The following CATSPER4 variants were observed in gnomAD, a reference collection of about 807,000 sequenced individuals.
CATSPER4 encodes cation channel sperm-associated protein 4.
A neutral mutation model predicts 54.4 loss-of-function variants in CATSPER4; 46 were observed. The observed-to-expected ratio is 0.84, with a 90% CI of 0.67 to 1.08. The LOEUF is 1.08. CATSPER4 is among the 50% of genes least tolerant of loss of function. CATSPER4 has a pLI of 0.00. For missense variants in CATSPER4, 574 were observed against 612.8 expected (o/e 0.94, Z 0.67); for synonymous variants, 230 against 231.9 (o/e 0.99, Z 0.08).
intron 2 of CATSPER4, 100 bp downstream of exon 2, chr1:26,191,530 A>T: frequency 2.9e-6 from 4 of 1,370,202 alleles, no homozygotes; most frequent in Non-Finnish European, 4.1e-6. Flanking sequence ...TGATGGTTGG[A>T]TTGGATGCTC....
At chr1:26,202,408 G>C in intron 9 of CATSPER4, 81 bp from the exon 10 acceptor site, 1 of 1,273,964 alleles carries the variant, frequency 7.8e-7, no homozygotes, top group Non-Finnish European at 1.1e-6. Context: ...GGGGAAGCTG[G>C]TGAGACTGGA....
Position 26,199,874 on chromosome 1 carries a change from C to T in CATSPER4, c.813-10C>T, listed in dbSNP as rs754916102. ...AGGGAAATGATGGGGCCCCTGCCTG[C>T]CATCTGCAGGACAGAGAAGAGGGAA... On this transcript the variant is annotated splice_polypyrimidine_tract_variant and intron_variant, in intron 6 of 9. Transcript: ENST00000456354. 1 of 1,613,490 alleles carries T rather than the reference C, an allele frequency of 6.2e-7. No homozygotes were observed. Among genetic ancestry groups the T allele is most frequent in the Non-Finnish European group, 8.5e-7 (1 of 1,179,708 alleles).
At chr1:26,196,699 C>T (rs1273928179) in intron 3 of CATSPER4, among the ~76,000 whole-genome samples, 1 of 152,056 alleles carries the variant, frequency 6.6e-6, no homozygotes, top group East Asian at 1.9e-4. Context: ...GCTTGCACCA[C>T]TGCACCTGGC....
At chr1:26,202,442 A>G (rs1279804806) in intron 9 of CATSPER4, 47 bp from the exon 10 acceptor site, 2 of 1,559,398 alleles carry the variant, frequency 1.3e-6, no homozygotes, top group Non-Finnish European at 1.8e-6. Flanking sequence ...GGAGGCTGCC[A>G]TATCGGGGGG....
chr1:26,199,611 A>AT (rs1397506034), intron 6 of CATSPER4, among the ~76,000 whole-genome samples: 9 of 151,298 alleles, frequency 5.9e-5, no homozygotes, highest in Non-Finnish European at 1.3e-4. Context: ...AAAAAAAAAA[A>AT]GGAGTGTAGC....
At chr1:26,201,329 A>G (rs374256521) in intron 8 of CATSPER4, 25 bp from the exon 9 acceptor site, 59 of 1,612,948 alleles carry the variant, frequency 3.7e-5, no homozygotes, top group South Asian at 8.8e-5. Context: ...GGCCTTCTGA[A>G]AGGCACTCAC....
chr1:26,196,161 T>C (rs1418013825), intron 3 of CATSPER4, among the ~76,000 whole-genome samples: 1 of 148,980 alleles, frequency 6.7e-6, no homozygotes, highest in Non-Finnish European at 1.5e-5. Flanking sequence ...TTTTTTTTTT[T>C]CTTTAGAGAT....
At chr1:26,191,187 T>A in intron 1 of CATSPER4, 100 bp from the exon 2 acceptor site, 2 of 1,408,604 alleles carry the variant, frequency 1.4e-6, no homozygotes, top group Non-Finnish European at 2.0e-6. Flanking sequence ...TTCCCCCCTC[T>A]AGAGTGGGCC....
In CATSPER4 at chr1:26,201,067, C is replaced by G. The variant is rs767135834; in HGVS notation, c.1199+26C>G. ...GTAGGGGAGGGTACTGGGGCTGCCC[C>G]CAAGTCATGTGAGTCAAGGCTGGGC... On this transcript the variant is annotated intron_variant, in intron 8 of 9. Transcript: ENST00000456354. 5 of 1,569,146 alleles carry G rather than the reference C, an allele frequency of 3.2e-6. No homozygotes were observed. In the African/African-American group the frequency reaches 4.0e-5, roughly 13 times the overall value.
rs1335598576 is a variant in CATSPER4, at chr1:26,191,399, T to C, written c.326T>C (p.Ile109Thr). ...ALLLVINAITIALRTNSYLDQ... is the reference protein window; with the variant it reads ...ALLLVINAITTALRTNSYLDQ... ...CTGCTGGTGATCAATGCCATCACCA[T>C]CGCTCTCCGTACCAACTCCTACCTG... Residue 109 changes from isoleucine (I) to threonine (T), a missense_variant, in exon 2 of 10, where the codon ATC (isoleucine) becomes ACC (threonine). Coordinates refer to ENST00000456354, the MANE Select transcript of CATSPER4 (RefSeq NM_198137.2). 6.2e-7 allele frequency: 1 copy of C among 1,614,040 alleles called. No individual in the cohort carries two copies. The highest frequency in any genetic ancestry group is 8.5e-7 in the Non-Finnish European group (1 of 1,180,034).
intron 9 of CATSPER4, 116 bp downstream of exon 9, chr1:26,201,635 C>G (rs775425900): frequency 1.2e-5 from 11 of 925,708 alleles, no homozygotes; most frequent in Non-Finnish European, 1.8e-5. Flanking sequence ...ATCTGGTCCC[C>G]CTCACCACCA....
Position 26,199,946 on chromosome 1 carries a change from C to T in CATSPER4, c.875C>T (p.Thr292Ile), listed in dbSNP as rs2088988142. The T allele has an allele frequency of 6.2e-7, 1 of 1,614,172 alleles. No individual in the cohort carries two copies. Among genetic ancestry groups the T allele is most frequent in the Non-Finnish European group, 8.5e-7 (1 of 1,180,024 alleles). ...GGAIYFTIFITIGAFIGINLF... is the reference protein window; with the variant it reads ...GGAIYFTIFIIIGAFIGINLF... ...GCCATCTACTTTACCATCTTCATCACCATCGGTGCCTTCATTGGCATCAAC... is the reference window on the plus strand; with the variant it reads ...GCCATCTACTTTACCATCTTCATCATCATCGGTGCCTTCATTGGCATCAAC... Residue 292 changes from threonine to isoleucine, a missense_variant, in exon 7 of 10, where the codon ACC becomes ATC. Thr to Ile is a moderately conservative substitution (Grantham distance 89). Coordinates refer to ENST00000456354, the MANE Select transcript of CATSPER4 (RefSeq NM_198137.2).
intron 1 of CATSPER4, 147 bp downstream of exon 1, chr1:26,190,987 GTT>G: frequency 1.3e-6 from 1 of 784,188 alleles, no homozygotes; most frequent in Middle Eastern, 3.5e-4. Context: ...CCCATGATAT[GTT>G]AGTAACTCTC....
intron 3 of CATSPER4, among the ~76,000 whole-genome samples, chr1:26,195,337 A>G (rs2088924271): frequency 6.6e-6 from 1 of 152,162 alleles, no homozygotes; most frequent in South Asian, 2.1e-4. Context: ...CCAGTTCGGC[A>G]GGCTGTGTGA....
rs200316251 is a variant in CATSPER4, at chr1:26,200,940, G to A, written c.1098G>A (p.Leu366=). The part of the protein sequence containing the change: ...LLQEPLAGGP[L]SNLSENTCDN... ...AGGAACCCCTTGCGGGAGGCCCCCT[G>A]TCGAACCTCTCAGAAAACACGTGTG... is the stretch of plus-strand genomic sequence containing the variant. Residue 366 remains leucine (L), a synonymous_variant, in exon 8 of 10, where the codon CTG becomes CTA. Coordinates refer to ENST00000456354, the MANE Select transcript of CATSPER4 (RefSeq NM_198137.2). The A allele has an allele frequency of 1.9e-6, 3 of 1,613,988 alleles. No homozygotes were observed. The African/African-American group carries it at 4.0e-5, about 22-fold the overall frequency.
At position 26,199,921 on chromosome 1, in the gene CATSPER4, G is replaced by A; in HGVS notation, c.850G>A (p.Ala284Thr). 6.2e-7 allele frequency: 1 copy of A among 1,614,190 alleles called. No homozygotes were observed. The highest frequency in any genetic ancestry group is 8.5e-7 in the Non-Finnish European group (1 of 1,180,032). The change falls in exon 7 of 10, where the codon GCC becomes ACC. Residue 284 changes from alanine (A) to threonine (T), a missense_variant. Physicochemically the swap from Ala to Thr is moderately conservative, Grantham distance 58. Transcript: ENST00000456354. ...KREYAMEIGGAIYFTIFITIG... is the reference protein window; with the variant it reads ...KREYAMEIGGTIYFTIFITIG... The stretch of plus-strand genomic sequence containing the variant: ...GGAATATGCAATGGAGATTGGGGGT[G>A]CCATCTACTTTACCATCTTCATCAC...
At chr1:26,197,931 G>A in intron 4 of CATSPER4, 26 bp from the exon 5 acceptor site, 1 of 1,612,166 alleles carries the variant, frequency 6.2e-7, no homozygotes, top group African/African-American at 1.3e-5. Context: ...AGGGCCTAGG[G>A]GCACCCCTGA....
chr1:26,201,756 C>A (rs1044257091), intron 9 of CATSPER4, among the ~76,000 whole-genome samples: 2 of 138,788 alleles, frequency 1.4e-5, no homozygotes, highest in Non-Finnish European at 3.0e-5. Context: ...GTGGCGCGAT[C>A]TCGGCTCGCT....
At chr1:26,192,173 G>T (rs2088878023) in intron 2 of CATSPER4, among the ~76,000 whole-genome samples, 1 of 151,208 alleles carries the variant, frequency 6.6e-6, no homozygotes, top group South Asian at 2.1e-4. Context: ...TGTCACCCAG[G>T]CTGGTGTGCA....
Sources: gnomAD v4.1 joint callset for allele counts (sites outside exome capture counted in the v4.1 genomes callset) on GRCh38, gnomAD v4.1.1 for gene constraint, MANE v1.5 for transcripts, NCBI Gene and HGNC (gene_info 2026-07-23, HGNC 2026-07-21) for gene names.